Variants in RDH13 observed in about 807,000 individuals in gnomAD.
The protein encoded by RDH13 is retinol dehydrogenase 13, also known as retinol dehydrogenase 13 (all-trans and 9-cis).
In RDH13, 35 loss-of-function variants were observed where a neutral mutation model predicts 28.3. The ratio of observed to expected loss-of-function variants is 1.24; its 90% CI spans 0.95 to 1.64. The LOEUF (loss-of-function observed/expected upper bound fraction) is 1.64. Among genes scored for constraint, RDH13 ranks in the 40% most tolerant of loss-of-function variants. The pLI is 0.00. For synonymous variants in RDH13, 229 were observed against 198.5 expected (o/e 1.15, Z -1.29); for missense variants, 514 against 446.3 (o/e 1.15, Z -1.37).
At chr19:55,063,795 G>A (rs951940163), upstream of RDH13, 2 of 152,978 alleles carry the variant, frequency 1.3e-5, no homozygotes, top group African/African-American at 4.8e-5. Context: ...CCTGCACAGA[G>A]ATATCTTCCC....
Position 55,048,318 on chromosome 19 carries a change from C to G in RDH13, c.658+11G>C. 1 of 1,613,956 alleles carries G rather than the reference C, an allele frequency of 6.2e-7. No homozygotes were observed. Among genetic ancestry groups the G allele is most frequent in the Non-Finnish European group, 8.5e-7 (1 of 1,180,010 alleles). On this transcript the variant is annotated intron_variant, in intron 5 of 6. Coordinates refer to ENST00000415061, the MANE Select transcript of RDH13 (RefSeq NM_001145971.2). ...AAAGCAAGAGGGAGGCCGAGCCTAGCGCCCCCGTACCTTGCAGCCGCCGGC... is the reference window on the plus strand; with the variant it reads ...AAAGCAAGAGGGAGGCCGAGCCTAGGGCCCCCGTACCTTGCAGCCGCCGGC...
At chr19:55,055,488 A>G (rs1171993438) in intron 3 of RDH13, among the ~76,000 whole-genome samples, 2 of 152,056 alleles carry the variant, frequency 1.3e-5, no homozygotes, top group Admixed American at 6.6e-5. Flanking sequence ...TATTTTATAA[A>G]TGTCCCATAA....
At chr19:55,053,841 G>C (rs1040071941) in intron 3 of RDH13, 2 of 152,246 alleles carry the variant, frequency 1.3e-5, no homozygotes, top group Admixed American at 1.3e-4. Context: ...GACAGGATCA[G>C]AGGCGCCCTG....
chr19:55,058,835 A>C (rs1057327112), intron 2 of RDH13, among the ~76,000 whole-genome samples: 36 of 151,958 alleles, frequency 2.4e-4, no homozygotes, highest in African/African-American at 8.2e-4. Context: ...TGCCCACCAC[A>C]ACTCCTGGCT....
upstream of RDH13, among the ~76,000 whole-genome samples, chr19:55,065,771 G>A (rs113081734): frequency 4.7e-3 from 713 of 151,298 alleles, 8 homozygotes; most frequent in African/African-American, 0.016. Flanking sequence ...AGGCTGGAGC[G>A]CAGTGATGCA....
intron 6 of RDH13, 112 bp downstream of exon 6, chr19:55,047,275 G>T (rs961260658): frequency 1.3e-5 from 19 of 1,485,946 alleles, no homozygotes; most frequent in Non-Finnish European, 1.7e-5. Flanking sequence ...CGTAGGCGAG[G>T]AGCAGGCATG....
At chr19:55,063,250 GC>G (rs2075869684), upstream of RDH13, 1 of 408,910 alleles carries the variant, frequency 2.4e-6, no homozygotes, top group Admixed American at 4.5e-5. Flanking sequence ...TCGGTCCTGA[GC>G]GCTGTCACAG....
At chr19:55,045,469 C>G (rs531076451) in intron 6 of RDH13, among the ~76,000 whole-genome samples, 160 bp from the exon 7 acceptor site, 4 of 152,170 alleles carry the variant, frequency 2.6e-5, no homozygotes, top group Admixed American at 6.5e-5. Context: ...TTCCCTGGCA[C>G]TGCCCAGGCA....
intron 1 of RDH13, among the ~76,000 whole-genome samples, chr19:55,061,524 C>G (rs1348418796): frequency 1.3e-5 from 2 of 152,048 alleles, no homozygotes; most frequent in African/African-American, 2.4e-5. Flanking sequence ...GGCACAGTGC[C>G]TCACACCTGT....
intron 2 of RDH13, among the ~76,000 whole-genome samples, chr19:55,058,720 A>G (rs1381424534): frequency 6.6e-6 from 1 of 151,780 alleles, no homozygotes; most frequent in Non-Finnish European, 1.5e-5. Context: ...TCACTCTGTC[A>G]CCCAGGCTGG....
At chr19:55,042,693 A>C (rs2075071413), downstream of RDH13, 1 of 152,112 alleles carries the variant, frequency 6.6e-6, no homozygotes, top group African/African-American at 2.4e-5. Context: ...TGGTATTTAC[A>C]CCCTGGAGTG....
chr19:55,045,726 A>C (rs1486332658), intron 6 of RDH13, among the ~76,000 whole-genome samples: 2 of 151,880 alleles, frequency 1.3e-5, no homozygotes, highest in African/African-American at 4.8e-5. Flanking sequence ...CGGGCGGATT[A>C]CCTGGGGTCG....
chr19:55,061,951 C>T (rs1027912443), intron 1 of RDH13, among the ~76,000 whole-genome samples: 1 of 152,052 alleles, frequency 6.6e-6, no homozygotes, highest in East Asian at 1.9e-4. Context: ...AACCTCGTCT[C>T]TACTAAAAAT....
intron 5 of RDH13, chr19:55,048,116 G>C: frequency 6.5e-7 from 1 of 1,528,718 alleles, no homozygotes; most frequent in Non-Finnish European, 8.8e-7. Context: ...AGGCAGACTA[G>C]ACCACCTGGG....
At chr19:55,051,863 G>A (rs1446648075) in intron 3 of RDH13, among the ~76,000 whole-genome samples, 1 of 151,796 alleles carries the variant, frequency 6.6e-6, no homozygotes, top group Admixed American at 6.6e-5. Context: ...CTTCCACATA[G>A]CTGAACCACA....
At chr19:55,056,014 C>A (rs1468721752) in intron 3 of RDH13, among the ~76,000 whole-genome samples, 1 of 150,790 alleles carries the variant, frequency 6.6e-6, no homozygotes, top group African/African-American at 2.4e-5. Flanking sequence ...ATTAGCCAGG[C>A]ACGGTGGCGG....
chr19:55,039,929 G>A (rs960299777), downstream of RDH13, among the ~76,000 whole-genome samples: 22 of 152,150 alleles, frequency 1.4e-4, no homozygotes, highest in African/African-American at 4.3e-4. Flanking sequence ...GAAATATTCC[G>A]GACTTGACAG....
At position 55,048,736 on chromosome 19, in the gene RDH13, TTGA is replaced by T; in HGVS notation, c.365_367del (p.Ile122del). ...GGGGCACCGCATCACACCCGCGTTG[TTGA>T]TTAGAATGTCCACTCGCTCCTCCTC... On this transcript the variant is annotated inframe_deletion, in exon 4 of 7. Transcript: ENST00000415061. The T allele has an allele frequency of 3.1e-6, 5 of 1,613,828 alleles. No homozygotes were observed. The highest frequency in any genetic ancestry group is 4.2e-6 in the Non-Finnish European group (5 of 1,179,956).
chr19:55,065,026 T>C (rs569574964), upstream of RDH13, among the ~76,000 whole-genome samples: 12 of 151,006 alleles, frequency 7.9e-5, no homozygotes, highest in African/African-American at 4.8e-5. Flanking sequence ...CATCACTGAA[T>C]TGTACACTTA....
Sources: allele counts gnomAD v4.1 joint callset (sites outside exome capture counted in the v4.1 genomes callset), GRCh38; gene constraint gnomAD v4.1.1; transcripts MANE v1.5; gene names NCBI Gene and HGNC (gene_info 2026-07-23, HGNC 2026-07-21).